Variants in AMOTL1 observed in about 807,000 individuals in gnomAD.
AMOTL1 encodes angiomotin like 1, also known as angiomotin-like protein 1.
AMOTL1 carries 45 observed loss-of-function variants against 102.9 expected under a neutral mutation model. The observed-to-expected ratio is 0.44, with a 90% CI of 0.34 to 0.56. AMOTL1 has a LOEUF of 0.56. Ranked by LOEUF, AMOTL1 falls within the 20% of genes least tolerant of loss-of-function variation. The pLI, the probability that AMOTL1 is intolerant of heterozygous loss-of-function variation, is 0.01. For synonymous variants in AMOTL1, 481 were observed against 484.7 expected (o/e 0.99, Z 0.10); for missense variants, 1,114 against 1,225.6 (o/e 0.91, Z 1.36).
chr11:94,847,955 GAGA>G (rs920642648), intron 6 of AMOTL1, among the ~76,000 whole-genome samples: 23 of 152,088 alleles, frequency 1.5e-4, no homozygotes, highest in African/African-American at 5.3e-4. Context: ...CCTCAACAAA[GAGA>G]AGAACTTTTA....
chr11:94,732,666 A>G (rs1950373033), intron 2 of AMOTL1, among the ~76,000 whole-genome samples: 1 of 152,192 alleles, frequency 6.6e-6, no homozygotes, highest in African/African-American at 2.4e-5. Flanking sequence ...TTGGTACGGA[A>G]GAGGAGTTCC....
At chr11:94,743,633 T>A (rs1950554691) in intron 3 of AMOTL1, among the ~76,000 whole-genome samples, 1 of 149,356 alleles carries the variant, frequency 6.7e-6, no homozygotes, top group Non-Finnish European at 1.5e-5. Flanking sequence ...GAAAATTATT[T>A]CTCTACTCAC....
chr11:94,831,580 T>C, intron 6 of AMOTL1, 39 bp downstream of exon 6: 1 of 1,553,590 alleles, frequency 6.4e-7, no homozygotes, highest in Non-Finnish European at 8.8e-7. Context: ...AGTTTGTTTG[T>C]TTAAAAACGG....
upstream of AMOTL1, among the ~76,000 whole-genome samples, chr11:94,765,188 T>G (rs150526002): frequency 6.6e-6 from 1 of 152,186 alleles, no homozygotes; most frequent in African/African-American, 2.4e-5. Flanking sequence ...AAATGACAAC[T>G]TGGGTCACTT....
Position 94,873,894 on chromosome 11 carries a change from G to A in AMOTL1, c.*3099G>A, listed in dbSNP as rs1253034365. ...CACCTATAAATGCTAGGCATAGATG[G>A]AAATTATTGTGTTCCACCAGAAGCA... On this transcript the variant is annotated 3_prime_UTR_variant, in exon 13 of 13. Transcript: ENST00000433060. 2.0e-5 allele frequency: 3 copies of A among 152,196 alleles called. No homozygotes were observed. Among genetic ancestry groups the A allele is most frequent in the African/African-American group, 7.2e-5 (3 of 41,428 alleles). 9.4% of individuals were successfully genotyped at this position (152,196 alleles called of 1,614,324 possible).
chr11:94,723,943 C>T (rs1309355051), intron 1 of AMOTL1, among the ~76,000 whole-genome samples: 2 of 152,096 alleles, frequency 1.3e-5, no homozygotes, highest in African/African-American at 4.8e-5. Flanking sequence ...AACGGAAACT[C>T]GTCAGAACCA....
intron 1 of AMOTL1, among the ~76,000 whole-genome samples, chr11:94,720,376 TGTGGCTG>T (rs1950157387): frequency 6.6e-6 from 1 of 152,142 alleles, no homozygotes; most frequent in Non-Finnish European, 1.5e-5. Context: ...AAGCCCAGAC[TGTGGCTG>T]GTACCGGAAG....
chr11:94,794,494 T>C (rs967395641), intron 1 of AMOTL1, among the ~76,000 whole-genome samples: 1 of 152,228 alleles, frequency 6.6e-6, no homozygotes, highest in African/African-American at 2.4e-5. Context: ...ACTGTAACAT[T>C]AGACTCCAGA....
rs140827996 is a variant in AMOTL1, at chr11:94,844,316, CCTCT to C, written c.1649-5788_1649-5785del. Among the ~76,000 whole-genome samples the C allele has an allele frequency of 2.7e-3, 412 of 151,944 alleles. 2 individuals are homozygous for C. The highest frequency in any genetic ancestry group is 9.1e-3 in the African/African-American group (377 of 41,448). On this transcript the variant is annotated intron_variant, in intron 6 of 12. Transcript: ENST00000433060. ...CTTGGCCTATTTTTATGCCTTCATACCTCTCTCTCTCTCCCTTCCTTTCTTCTTT... is the reference window on the plus strand; with the variant it reads ...CTTGGCCTATTTTTATGCCTTCATACCTCTCTCTCCCTTCCTTTCTTCTTT...
chr11:94,821,536 A>G lies in AMOTL1; in HGVS notation c.1128A>G (p.Pro376=), dbSNP rs1423188896. The G allele has an allele frequency of 6.2e-7, 1 of 1,612,408 alleles. No homozygotes were observed. The highest frequency in any genetic ancestry group is 1.7e-5 in the Admixed American group (1 of 59,944). The change falls in exon 4 of 13, where the codon CCA becomes CCG. Residue 376 remains proline (P), a synonymous_variant. Transcript: ENST00000433060. ...PPPEYGVTSR[P]CQLPFPSTMQ... is the part of the protein sequence containing the mutation. ...GCCTTCCATTGCCTTGCAGCCGCCCATGCCAACTTCCGTTCCCATCAACCA... is the reference window on the plus strand; with the variant it reads ...GCCTTCCATTGCCTTGCAGCCGCCCGTGCCAACTTCCGTTCCCATCAACCA...
In AMOTL1 at chr11:94,745,941, C is replaced by T. The variant is rs149437329; in HGVS notation, c.136+4953C>T. ...AGGTCAGTGGAATTATTTAGTGATT[C>T]GTCCCTGGAGCCACATGTGGAATGG... On this transcript the variant is annotated intron_variant, in intron 3 of 4. Coordinates refer to the AMOTL1 transcript ENST00000299004. Among the ~76,000 whole-genome samples the T allele has an allele frequency of 4.0e-3, 612 of 152,232 alleles. 13 individuals carry two copies. The highest frequency in any genetic ancestry group is 0.034 in the South Asian group (164 of 4,820).
chr11:94,707,526 C>T (rs1189791195), intron 1 of AMOTL1, among the ~76,000 whole-genome samples: 1 of 152,122 alleles, frequency 6.6e-6, no homozygotes, highest in Non-Finnish European at 1.5e-5. Context: ...TGGCACAGAA[C>T]CCTGCCACAT....
intron 1 of AMOTL1, among the ~76,000 whole-genome samples, chr11:94,716,528 A>C (rs1202683867): frequency 6.6e-6 from 1 of 152,044 alleles, no homozygotes; most frequent in Admixed American, 6.6e-5. Flanking sequence ...GTTCTGGTCT[A>C]CTTTTGTGAG....
intron 3 of AMOTL1, among the ~76,000 whole-genome samples, chr11:94,819,856 C>T (rs76602657): frequency 0.019 from 2,926 of 152,232 alleles, 74 homozygotes; most frequent in Non-Finnish European, 0.021. Context: ...TTGTTAGGAG[C>T]CCTTGGCTTA....
intron 8 of AMOTL1, among the ~76,000 whole-genome samples, chr11:94,858,590 T>G (rs188105483): frequency 6.6e-6 from 1 of 152,242 alleles, no homozygotes; most frequent in African/African-American, 2.4e-5. Context: ...TTGCAACCAC[T>G]GGAAAACAGG....
At chr11:94,848,487 T>C (rs1181171285) in intron 6 of AMOTL1, among the ~76,000 whole-genome samples, 1 of 152,144 alleles carries the variant, frequency 6.6e-6, no homozygotes, top group East Asian at 1.9e-4. Flanking sequence ...AGTCTATCGA[T>C]TCAGAAGCTG....
In AMOTL1 at chr11:94,832,504, A is replaced by C. The variant is rs141000251; in HGVS notation, c.1648+963A>C. Reference sequence around the variant, plus strand: ...GATTAATTATTGCATTCCAGCTATTAATACTAGCTATATTTTTTAAATTCC... The same window carrying C: ...GATTAATTATTGCATTCCAGCTATTCATACTAGCTATATTTTTTAAATTCC... On this transcript the variant is annotated intron_variant, in intron 6 of 12. Transcript: ENST00000433060. Among the ~76,000 whole-genome samples the C allele has an allele frequency of 3.2e-4, 49 of 152,324 alleles. No homozygotes were observed. The East Asian group carries it at 7.7e-3, about 24-fold the overall frequency.
chr11:94,807,779 G>T (rs1176269420), intron 3 of AMOTL1, among the ~76,000 whole-genome samples: 1 of 151,352 alleles, frequency 6.6e-6, no homozygotes, highest in Non-Finnish European at 1.5e-5. Flanking sequence ...TGGCTCTTCA[G>T]AGGACTGACT....
chr11:94,723,298 A>G (rs1950203807), intron 1 of AMOTL1, among the ~76,000 whole-genome samples: 1 of 152,156 alleles, frequency 6.6e-6, no homozygotes, highest in Non-Finnish European at 1.5e-5. Flanking sequence ...AGCTGTGAGA[A>G]GCACAAAGGA....
Sources: gnomAD v4.1 joint callset for allele counts (sites outside exome capture counted in the v4.1 genomes callset) on GRCh38, gnomAD v4.1.1 for gene constraint, MANE v1.5 for transcripts, NCBI Gene and HGNC (gene_info 2026-07-23, HGNC 2026-07-21) for gene names.